TEKT1: variants seen among roughly 807,000 people sequenced by gnomAD.
TEKT1 encodes the protein tektin 1, also known as tektin-1.
In TEKT1, 32 loss-of-function variants were observed where a neutral mutation model predicts 34.8. The observed-to-expected ratio is 0.92, with a 90% CI of 0.69 to 1.23. TEKT1 has a LOEUF of 1.23. Ranked by LOEUF, TEKT1 falls within the 50% of genes most tolerant of loss-of-function variation. TEKT1 has a pLI of 0.00. For missense variants in TEKT1, 492 were observed against 518.5 expected (o/e 0.95, Z 0.50); for synonymous variants, 207 against 199.8 (o/e 1.04, Z -0.30).
intron 6 of TEKT1, among the ~76,000 whole-genome samples, chr17:6,808,561 C>T (rs577943389): frequency 6.6e-5 from 10 of 152,294 alleles, no homozygotes; most frequent in Middle Eastern, 3.4e-3. Flanking sequence ...GCGTCGCTCA[C>T]GCTGGGAGCT....
chr17:6,826,194 G>T (rs1904390743), intron 2 of TEKT1, among the ~76,000 whole-genome samples: 1 of 152,120 alleles, frequency 6.6e-6, no homozygotes, highest in Non-Finnish European at 1.5e-5. Context: ...GTATGTCCCT[G>T]ATGACTCATA....
intron 5 of TEKT1, among the ~76,000 whole-genome samples, chr17:6,814,211 A>G (rs1976971301): frequency 6.6e-6 from 1 of 152,184 alleles, no homozygotes; most frequent in African/African-American, 2.4e-5. Flanking sequence ...CCACCCAAGG[A>G]ACCATGAGAT....
intron 1 of TEKT1, among the ~76,000 whole-genome samples, 173 bp downstream of exon 1, chr17:6,831,476 C>A (rs545066638): frequency 1.3e-5 from 2 of 152,280 alleles, no homozygotes; most frequent in South Asian, 4.1e-4. Flanking sequence ...TGGCTTCTAC[C>A]GAATTTATCT....
In TEKT1 at chr17:6,800,128, C is replaced by T. The variant is rs141864689; in HGVS notation, c.1156G>A (p.Asp386Asn). 1.0e-4 allele frequency: 161 copies of T among 1,614,106 alleles called. No homozygotes were observed. The African/African-American group carries it at 1.6e-3, about 16-fold the overall frequency. Residue 386 changes from aspartate to asparagine, a missense_variant, in exon 8 of 8, where the codon GAC (aspartate) becomes AAC (asparagine). Physicochemically the swap from Asp to Asn is conservative, Grantham distance 23. Transcript: ENST00000338694. ...CTCATCTGCATACACAGCACTTCGT[C>T]GATATAAATGGTGTTCTCTTTGACC... is the stretch of plus-strand genomic sequence containing the variant. ...IQVKENTIYIDEVLCMQMRKS... is the reference protein window; with the variant it reads ...IQVKENTIYINEVLCMQMRKS...
chr17:6,813,509 G>A (rs559433636), intron 5 of TEKT1, among the ~76,000 whole-genome samples: 6 of 149,336 alleles, frequency 4.0e-5, no homozygotes, highest in East Asian at 2.0e-4. Flanking sequence ...CTTCTGGAAC[G>A]ACACTGATGA....
At chr17:6,829,809 C>G (rs114894896) in intron 2 of TEKT1, among the ~76,000 whole-genome samples, 1,901 of 151,920 alleles carry the variant, frequency 0.013, 31 homozygotes, top group African/African-American at 0.043. Flanking sequence ...ACTGGCTGAA[C>G]CCATGGATAC....
chr17:6,831,289 C>T (rs2151594381), intron 1 of TEKT1, among the ~76,000 whole-genome samples: 1 of 152,302 alleles, frequency 6.6e-6, no homozygotes, highest in South Asian at 2.1e-4. Context: ...TGCCCCCACT[C>T]CCATCTCTAC....
chr17:6,803,395 T>C (rs1333485020), intron 6 of TEKT1, among the ~76,000 whole-genome samples: 1 of 152,164 alleles, frequency 6.6e-6, no homozygotes. Context: ...AAAATTTTCT[T>C]CCATTCTGCA....
At chr17:6,810,652 C>A (rs1355287477) in intron 6 of TEKT1, among the ~76,000 whole-genome samples, 3 of 152,184 alleles carry the variant, frequency 2.0e-5, no homozygotes, top group African/African-American at 7.2e-5. Flanking sequence ...CACTGTTGCC[C>A]AGAGCACTAT....
chr17:6,822,978 C>A (rs1239531234), intron 2 of TEKT1, among the ~76,000 whole-genome samples: 2 of 152,200 alleles, frequency 1.3e-5, no homozygotes, highest in Non-Finnish European at 2.9e-5. Flanking sequence ...TCTTTCCTTT[C>A]GGGGCCAGTT....
intron 6 of TEKT1, among the ~76,000 whole-genome samples, chr17:6,805,534 C>T (rs1422924538): frequency 6.6e-6 from 1 of 152,020 alleles, no homozygotes; most frequent in Non-Finnish European, 1.5e-5. Context: ...GCTCTTGCTT[C>T]TCTAGTTCTT....
intron 4 of TEKT1, 140 bp from the exon 5 acceptor site, chr17:6,815,446 ACT>A: frequency 1.0e-6 from 1 of 977,528 alleles, no homozygotes; most frequent in African/African-American, 1.6e-5. Context: ...TCACCCCAAC[ACT>A]CATGCGTATA....
chr17:6,813,408 G>A (rs543170279), intron 5 of TEKT1, among the ~76,000 whole-genome samples: 8 of 152,062 alleles, frequency 5.3e-5, no homozygotes, highest in Non-Finnish European at 1.0e-4. Context: ...TAATACTAAT[G>A]TAATAGATTA....
Position 6,815,223 on chromosome 17 carries a change from G to C in TEKT1, c.569C>G (p.Ser190Trp), listed in dbSNP as rs148656021. The C allele has an allele frequency of 8.7e-6, 14 of 1,614,076 alleles. No homozygotes were observed. The Admixed American group carries it at 2.3e-4, about 27-fold the overall frequency. ...GATGTTTGGTGAGTTGTTGTTGAGC[G>C]AGAAGCAGATATCATCTATGGTCAG... Reference protein sequence around the residue: ...VALTIDDICFSLNNNSPNIRY... With the variant: ...VALTIDDICFWLNNNSPNIRY... The change falls in exon 5 of 8, where the codon TCG (serine) becomes TGG (tryptophan). Residue 190 changes from serine to tryptophan, a missense_variant. Physicochemically the swap from Ser to Trp is radical, Grantham distance 177 (BLOSUM62 -3). Coordinates refer to ENST00000338694, the MANE Select transcript of TEKT1 (RefSeq NM_053285.2).
At chr17:6,801,008 A>C (rs1976764405) in intron 6 of TEKT1, 65 bp from the exon 7 acceptor site, 2 of 1,459,040 alleles carry the variant, frequency 1.4e-6, no homozygotes. Flanking sequence ...AGCTGACAGC[A>C]GATGGGTTGT....
At chr17:6,820,393 T>C (rs1001590407) in intron 2 of TEKT1, among the ~76,000 whole-genome samples, 4 of 152,072 alleles carry the variant, frequency 2.6e-5, no homozygotes, top group Admixed American at 6.5e-5. Flanking sequence ...ATATATTTAA[T>C]TGATAATGAG....
intron 1 of TEKT1, among the ~76,000 whole-genome samples, 180 bp from the exon 2 acceptor site, chr17:6,830,573 C>G (rs935486866): frequency 1.3e-5 from 2 of 152,158 alleles, no homozygotes; most frequent in East Asian, 3.8e-4. Flanking sequence ...CATCTCTAAC[C>G]TCCTCCCAGT....
At chr17:6,801,831 C>T (rs1040786196) in intron 6 of TEKT1, among the ~76,000 whole-genome samples, 1 of 152,138 alleles carries the variant, frequency 6.6e-6, no homozygotes, top group African/African-American at 2.4e-5. Context: ...TGTACATCTA[C>T]TTTTGCAATA....
rs753730268 is a variant in TEKT1, at chr17:6,819,380, C to T, written c.191-22G>A. The T allele has an allele frequency of 9.4e-6, 15 of 1,602,890 alleles. No individual in the cohort carries two copies. The African/African-American group carries it at 2.0e-4, about 21-fold the overall frequency. ...TGTTCTGAAGCACACGGGGAAGTTA[C>T]ACCAGGGCTAATCTATCCCAAGGTA... is the stretch of plus-strand genomic sequence containing the variant. On this transcript the variant is annotated intron_variant, in intron 2 of 7. Transcript: ENST00000338694.
Sources: allele counts gnomAD v4.1 joint callset (sites outside exome capture counted in the v4.1 genomes callset), GRCh38; gene constraint gnomAD v4.1.1; transcripts MANE v1.5; gene names NCBI Gene and HGNC (gene_info 2026-07-23, HGNC 2026-07-21).